The following SUGP2 variants were observed in gnomAD, a reference collection of about 807,000 sequenced individuals.
The protein encoded by SUGP2 is SURP and G-patch domain-containing protein 2.
Under a neutral mutation model 90.5 loss-of-function variants are expected in SUGP2, and 24 were observed. That is an observed-to-expected ratio of 0.27 (90% CI 0.19 to 0.37). The LOEUF is 0.37. SUGP2 is among the 10% of genes least tolerant of loss of function. SUGP2 has a pLI of 1.00. For missense variants in SUGP2, 1,233 were observed against 1,363.3 expected (o/e 0.90, Z 1.51); for synonymous variants, 473 against 513.4 (o/e 0.92, Z 1.06).
At chr19:19,020,931 G>A (rs767167684) in intron 3 of SUGP2, among the ~76,000 whole-genome samples, 1 of 151,778 alleles carries the variant, frequency 6.6e-6, no homozygotes, top group Non-Finnish European at 1.5e-5. Context: ...AGGCCGAGGC[G>A]GGTGGATCAC....
chr19:18,999,747 T>G (rs531159519), intron 8 of SUGP2, among the ~76,000 whole-genome samples: 2 of 152,178 alleles, frequency 1.3e-5, no homozygotes, highest in Admixed American at 1.3e-4. Context: ...TCCCTGACCA[T>G]GAAGGACTGG....
At chr19:19,033,649 G>C, upstream of SUGP2, 2 of 988,814 alleles carry the variant, frequency 2.0e-6, no homozygotes, top group Non-Finnish European at 2.5e-6. Flanking sequence ...TCTTCTGGGC[G>C]GACGCTCTGG....
intron 8 of SUGP2, among the ~76,000 whole-genome samples, chr19:18,997,229 C>T (rs1678247515): frequency 1.3e-5 from 2 of 151,936 alleles, no homozygotes; most frequent in Admixed American, 1.3e-4. Flanking sequence ...ATGTGGGAGG[C>T]ACTCCAGAGA....
chr19:19,027,180 T>G (rs1345297463), intron 2 of SUGP2, among the ~76,000 whole-genome samples: 1 of 152,098 alleles, frequency 6.6e-6, no homozygotes, highest in Non-Finnish European at 1.5e-5. Context: ...ATGGAGAAAC[T>G]GTAAGAAGCG....
At chr19:19,022,343 C>G (rs529267677) in intron 3 of SUGP2, among the ~76,000 whole-genome samples, 3 of 152,276 alleles carry the variant, frequency 2.0e-5, no homozygotes, top group Admixed American at 6.5e-5. Flanking sequence ...GAGATGTGGG[C>G]CCTGCTGCCA....
At chr19:19,007,032 A>C (rs1420473698) in intron 6 of SUGP2, among the ~76,000 whole-genome samples, 1 of 152,238 alleles carries the variant, frequency 6.6e-6, no homozygotes, top group African/African-American at 2.4e-5. Context: ...CGAGGAGTTG[A>C]GAGCCCCCTC....
upstream of SUGP2, chr19:19,033,599 C>T (rs886627088): frequency 7.6e-6 from 9 of 1,184,420 alleles, no homozygotes; most frequent in South Asian, 8.2e-5. Context: ...AGGCGCGGGC[C>T]GCCGCGGCCC....
At chr19:19,012,679 G>A (rs2058350452) in intron 4 of SUGP2, among the ~76,000 whole-genome samples, 2 of 152,190 alleles carry the variant, frequency 1.3e-5, no homozygotes, top group African/African-American at 4.8e-5. Context: ...TATGAAAACT[G>A]CCTAGTAGTC....
intron 1 of SUGP2, 61 bp downstream of exon 1, chr19:19,033,376 C>A: frequency 1.6e-6 from 2 of 1,214,972 alleles, no homozygotes; most frequent in Middle Eastern, 3.4e-4. Flanking sequence ...GCCCCCAAGG[C>A]CGAGCCCGAG....
chr19:19,033,627 G>A, upstream of SUGP2: 1 of 1,145,266 alleles, frequency 8.7e-7, no homozygotes, highest in Non-Finnish European at 1.1e-6. Flanking sequence ...TTGCGCAAGC[G>A]CGCTGTCCGC....
At chr19:19,033,649 G>T (rs1195798665), upstream of SUGP2, 4 of 988,706 alleles carry the variant, frequency 4.0e-6, no homozygotes, top group African/African-American at 5.1e-5. Context: ...TCTTCTGGGC[G>T]GACGCTCTGG....
chr19:19,009,354 A>G (rs1232126686), intron 5 of SUGP2, among the ~76,000 whole-genome samples: 2 of 151,768 alleles, frequency 1.3e-5, no homozygotes, highest in African/African-American at 4.9e-5. Flanking sequence ...GGCCTGTGGT[A>G]CAGAGAGAAA....
In SUGP2 at chr19:19,024,658, G is replaced by T. The variant is rs1599555982; in HGVS notation, c.1690C>A (p.Pro564Thr). 2 of 1,614,118 alleles carry T rather than the reference G, an allele frequency of 1.2e-6. No individual in the cohort carries two copies. Among genetic ancestry groups the T allele is most frequent in the Non-Finnish European group, 1.7e-6 (2 of 1,180,022 alleles). The change falls in exon 3 of 11, where the codon CCT (proline) becomes ACT (threonine). Residue 564 changes from proline (P) to threonine (T), a missense_variant. Pro to Thr is a conservative substitution (Grantham distance 38). Transcript: ENST00000452918. ...EEEKMIPPTK[P>T]EIQAKAPSSL... ...CTTGGAGCCTTGGCCTGAATTTCAGGTTTCGTAGGAGGAATCATTTTCTCC... is the reference window on the plus strand; with the variant it reads ...CTTGGAGCCTTGGCCTGAATTTCAGTTTTCGTAGGAGGAATCATTTTCTCC...
intron 3 of SUGP2, among the ~76,000 whole-genome samples, chr19:19,024,235 C>T (rs1423391437): frequency 6.6e-6 from 1 of 152,150 alleles, no homozygotes; most frequent in Non-Finnish European, 1.5e-5. Flanking sequence ...CTCAGCCTCC[C>T]GAGTAGCTGG....
intron 6 of SUGP2, among the ~76,000 whole-genome samples, chr19:19,005,115 G>T (rs2058011794): frequency 6.6e-6 from 1 of 152,138 alleles, no homozygotes; most frequent in African/African-American, 2.4e-5. Flanking sequence ...CCCCGAGGAG[G>T]CTCCTCACCC....
intron 9 of SUGP2, 52 bp downstream of exon 9, chr19:18,995,092 G>T (rs755154196): frequency 3.1e-6 from 5 of 1,593,450 alleles, no homozygotes; most frequent in South Asian, 2.3e-5. Flanking sequence ...CAGGCTGCAG[G>T]TGGAAGGACT....
intron 8 of SUGP2, among the ~76,000 whole-genome samples, chr19:18,999,656 C>G (rs1045861806): frequency 1.6e-4 from 25 of 152,190 alleles, no homozygotes; most frequent in African/African-American, 6.0e-4. Flanking sequence ...TCAGACTGAC[C>G]TAGGTCACTC....
At chr19:19,005,819 CA>C (rs1266451888) in intron 6 of SUGP2, among the ~76,000 whole-genome samples, 6 of 148,360 alleles carry the variant, frequency 4.0e-5, no homozygotes, top group African/African-American at 1.5e-4. Context: ...GGACCACAGG[CA>C]AATGCCACTA....
At chr19:19,033,559 G>A, upstream of SUGP2, 2 of 1,258,250 alleles carry the variant, frequency 1.6e-6, no homozygotes, top group Middle Eastern at 3.2e-4. Flanking sequence ...GCGCCGCGCA[G>A]GCGCAAGCCG....
Sources: allele counts gnomAD v4.1 joint callset (sites outside exome capture counted in the v4.1 genomes callset), GRCh38; gene constraint gnomAD v4.1.1; transcripts MANE v1.5; gene names NCBI Gene and HGNC (gene_info 2026-07-23, HGNC 2026-07-21).